Variants in LYPLAL1 observed in about 807,000 individuals in gnomAD.
LYPLAL1 encodes the protein lysophospholipase like 1.
A neutral mutation model predicts 19.7 loss-of-function variants in LYPLAL1; 23 were observed. The ratio of observed to expected loss-of-function variants is 1.17; its 90% CI spans 0.84 to 1.65. The LOEUF is 1.65. Ranked by LOEUF, LYPLAL1 falls within the 40% of genes most tolerant of loss-of-function variation. LYPLAL1 has a pLI of 0.00. For missense variants in LYPLAL1, 355 were observed against 279.4 expected (o/e 1.27, Z -1.93); for synonymous variants, 119 against 96.3 (o/e 1.24, Z -1.38).
At chr1:219,243,940 TGGGAGGTA>T in the LYPLAL1 span, among the ~76,000 whole-genome samples, 1 of 148,104 alleles carries the variant, frequency 6.8e-6, no homozygotes, top group Non-Finnish European at 1.5e-5. Context: ...AAAAAGGATT[TGGGAGGTA>T]GGGAGGTAGG....
chr1:219,442,703 C>T, the LYPLAL1 span: 3 of 152,114 alleles, frequency 2.0e-5, no homozygotes, highest in African/African-American at 4.8e-5. Context: ...CCTTCCTGCT[C>T]ATTCAATATC....
the LYPLAL1 span, among the ~76,000 whole-genome samples, chr1:219,440,844 T>C: frequency 6.6e-6 from 1 of 152,222 alleles, no homozygotes; most frequent in East Asian, 1.9e-4. Flanking sequence ...CTCCTAATGA[T>C]ATAGTGTATC....
the LYPLAL1 span, among the ~76,000 whole-genome samples, chr1:219,337,678 A>G: frequency 6.6e-6 from 1 of 152,012 alleles, no homozygotes; most frequent in South Asian, 2.1e-4. Flanking sequence ...AGGAATCAGT[A>G]AACCATAGCA....
chr1:219,201,582 A>G (rs1370240382), intron 3 of LYPLAL1, among the ~76,000 whole-genome samples: 1 of 151,922 alleles, frequency 6.6e-6, no homozygotes, highest in Non-Finnish European at 1.5e-5. Flanking sequence ...ATTATAATAT[A>G]TAATATACCA....
the LYPLAL1 span, among the ~76,000 whole-genome samples, chr1:219,425,109 G>A: frequency 6.6e-6 from 1 of 152,128 alleles, no homozygotes; most frequent in Non-Finnish European, 1.5e-5. Context: ...ATAGACTCTA[G>A]TGAGGGCTTG....
the LYPLAL1 span, among the ~76,000 whole-genome samples, chr1:219,235,410 G>A: frequency 2.6e-5 from 4 of 152,192 alleles, no homozygotes; most frequent in Non-Finnish European, 2.9e-5. Flanking sequence ...AGGCTGTCAA[G>A]CTAAGCATTT....
chr1:219,214,103 G>C (rs1659200050), downstream of LYPLAL1, among the ~76,000 whole-genome samples: 1 of 152,082 alleles, frequency 6.6e-6, no homozygotes, highest in South Asian at 2.1e-4. Context: ...ATGAATGGCT[G>C]TTGAATTTTG....
intron 2 of LYPLAL1, among the ~76,000 whole-genome samples, chr1:219,180,235 G>A (rs865995077): frequency 7.9e-5 from 12 of 152,256 alleles, no homozygotes; most frequent in Middle Eastern, 3.4e-3. Flanking sequence ...TCCACTCACC[G>A]CGGCCTCCCA....
chr1:219,376,133 C>T, the LYPLAL1 span, among the ~76,000 whole-genome samples: 15 of 151,970 alleles, frequency 9.9e-5, no homozygotes, highest in African/African-American at 3.1e-4. Context: ...TATTTTATCA[C>T]GTAAAGATGG....
chr1:219,257,643 G>A, the LYPLAL1 span, among the ~76,000 whole-genome samples: 1 of 151,960 alleles, frequency 6.6e-6, no homozygotes, highest in Admixed American at 6.6e-5. Context: ...ACATGCTTCT[G>A]AGGCCAATAA....
intron 2 of LYPLAL1, among the ~76,000 whole-genome samples, chr1:219,186,233 T>A (rs918079897): frequency 2.0e-5 from 3 of 152,058 alleles, no homozygotes; most frequent in African/African-American, 7.2e-5. Flanking sequence ...CTTCTTTTGA[T>A]ATTCATTGGG....
At chr1:219,201,767 T>G (rs1658122679) in intron 3 of LYPLAL1, among the ~76,000 whole-genome samples, 1 of 152,180 alleles carries the variant, frequency 6.6e-6, no homozygotes, top group Admixed American at 6.5e-5. Context: ...CTTCACTAAG[T>G]TTTATGGAAT....
chr1:219,318,615 G>A, the LYPLAL1 span, among the ~76,000 whole-genome samples: 43 of 152,242 alleles, frequency 2.8e-4, no homozygotes, highest in Non-Finnish European at 5.7e-4. Context: ...CAAATTTTAG[G>A]CTCAAAGACC....
the LYPLAL1 span, among the ~76,000 whole-genome samples, chr1:219,399,185 A>G: frequency 6.6e-6 from 1 of 152,150 alleles, no homozygotes; most frequent in East Asian, 1.9e-4. Context: ...GGGGCCTCCC[A>G]GTGACTGTGC....
Position 219,179,131 on chromosome 1 carries a change from T to C in LYPLAL1, c.92-16T>C. The C allele has an allele frequency of 6.4e-7, 1 of 1,553,320 alleles. No homozygotes were observed. The highest frequency in any genetic ancestry group is 8.8e-7 in the Non-Finnish European group (1 of 1,140,164). On this transcript the variant is annotated splice_polypyrimidine_tract_variant and intron_variant, in intron 1 of 4. Coordinates refer to ENST00000366928, the MANE Select transcript of LYPLAL1 (RefSeq NM_138794.5). ...ACTAAAATATTTATTTTAATCTAGA[T>C]TTTTTGATTCATCAGGTGATTCTGG...
chr1:219,307,428 T>A, the LYPLAL1 span, among the ~76,000 whole-genome samples: 6 of 152,222 alleles, frequency 3.9e-5, no homozygotes, highest in African/African-American at 1.2e-4. Context: ...AATACTCATT[T>A]TGGATTTTAT....
the LYPLAL1 span, among the ~76,000 whole-genome samples, chr1:219,421,151 C>T: frequency 6.6e-6 from 1 of 152,148 alleles, no homozygotes; most frequent in Non-Finnish European, 1.5e-5. Flanking sequence ...CTTTGGTGAA[C>T]TGAGTGTAAC....
At chr1:219,314,324 C>T in the LYPLAL1 span, among the ~76,000 whole-genome samples, 1 of 152,188 alleles carries the variant, frequency 6.6e-6, no homozygotes, top group South Asian at 2.1e-4. Flanking sequence ...ATTTATATTC[C>T]TTTGGGCATA....
At chr1:219,411,093 T>C in the LYPLAL1 span, among the ~76,000 whole-genome samples, 3 of 152,172 alleles carry the variant, frequency 2.0e-5, no homozygotes, top group Non-Finnish European at 2.9e-5. Flanking sequence ...CCGGATCCAC[T>C]AGGTGAAGCC....
Sources: allele counts gnomAD v4.1 joint callset (sites outside exome capture counted in the v4.1 genomes callset), GRCh38; gene constraint gnomAD v4.1.1; transcripts MANE v1.5; gene names NCBI Gene and HGNC (gene_info 2026-07-23, HGNC 2026-07-21).